APP: variants seen among roughly 807,000 people sequenced by gnomAD.
The protein encoded by APP is amyloid beta precursor protein, also known as amyloid-beta precursor protein.
Under a neutral mutation model 101.4 loss-of-function variants are expected in APP, and 31 were observed. That is an observed-to-expected ratio of 0.31 (90% CI 0.23 to 0.41). APP has a LOEUF of 0.41. APP is among the 10% of genes least tolerant of loss of function. The pLI is 1.00. For synonymous variants in APP, 366 were observed against 364.4 expected (o/e 1.00, Z -0.05); for missense variants, 839 against 1,003.7 (o/e 0.84, Z 2.22).
intron 5 of APP, among the ~76,000 whole-genome samples, chr21:26,041,899 T>G (rs73896813): frequency 0.012 from 1,760 of 151,890 alleles, 36 homozygotes; most frequent in African/African-American, 0.04. Flanking sequence ...TGCAAGTTTC[T>G]GCTATTCTCC....
At chr21:26,058,822 C>T (rs1427680881) in intron 3 of APP, among the ~76,000 whole-genome samples, 2 of 152,284 alleles carry the variant, frequency 1.3e-5, no homozygotes, top group East Asian at 3.9e-4. Flanking sequence ...TGGCTCACGC[C>T]TGTAATCCCA....
At chr21:25,998,957 G>A (rs1021118979) in intron 7 of APP, among the ~76,000 whole-genome samples, 4 of 152,090 alleles carry the variant, frequency 2.6e-5, no homozygotes, top group African/African-American at 9.7e-5. Flanking sequence ...TTTATCCCCC[G>A]GAATTATGAA....
chr21:26,090,370 T>C (rs2061797364), intron 2 of APP, among the ~76,000 whole-genome samples: 1 of 152,230 alleles, frequency 6.6e-6, no homozygotes, highest in African/African-American at 2.4e-5. Flanking sequence ...TTTCGGACTC[T>C]GGATTTTTAA....
At chr21:26,032,425 T>C (rs1163284316) in intron 5 of APP, among the ~76,000 whole-genome samples, 4 of 152,244 alleles carry the variant, frequency 2.6e-5, no homozygotes, top group African/African-American at 7.2e-5. Context: ...GAAGGTCTAG[T>C]GTGGTGATTA....
intron 3 of APP, among the ~76,000 whole-genome samples, chr21:26,089,274 T>C (rs2061768043): frequency 6.6e-6 from 1 of 152,196 alleles, no homozygotes; most frequent in Admixed American, 6.5e-5. Flanking sequence ...CAAGTTAGAT[T>C]AAATATGGAG....
chr21:26,103,206 T>C (rs1199069792), intron 2 of APP, among the ~76,000 whole-genome samples: 2 of 152,232 alleles, frequency 1.3e-5, no homozygotes, highest in African/African-American at 4.8e-5. Flanking sequence ...GACTTTACTA[T>C]TGAATTATCA....
chr21:26,055,700 A>G (rs1343279162), intron 3 of APP, among the ~76,000 whole-genome samples: 1 of 152,198 alleles, frequency 6.6e-6, no homozygotes, highest in Non-Finnish European at 1.5e-5. Flanking sequence ...CAAATGTCCA[A>G]ACTAAGAAGT....
At chr21:25,898,085 C>T (rs1327570870) in intron 15 of APP, 3 of 187,852 alleles carry the variant, frequency 1.6e-5, no homozygotes, top group Admixed American at 1.1e-4. Context: ...TAATAAAAGG[C>T]TTTAAAAATG....
At chr21:25,997,486 G>A (rs1373883394) in intron 7 of APP, 70 bp from the exon 8 acceptor site, 51 of 1,376,072 alleles carry the variant, frequency 3.7e-5, no homozygotes, top group Middle Eastern at 3.8e-4. Flanking sequence ...TGAAATGCAC[G>A]AGTCCACTGA....
At chr21:25,927,165 T>A (rs2039936941) in intron 13 of APP, among the ~76,000 whole-genome samples, 2 of 152,306 alleles carry the variant, frequency 1.3e-5, no homozygotes, top group South Asian at 4.1e-4. Flanking sequence ...TAGTCCAAGG[T>A]CACGGAGATT....
chr21:25,973,433 A>G lies in APP; in HGVS notation c.1458+1637T>C, dbSNP rs555351983. Among the ~76,000 whole-genome samples the G allele has an allele frequency of 2.6e-5, 4 of 152,358 alleles. No individual in the cohort carries two copies. The East Asian group carries it at 5.8e-4, about 22-fold the overall frequency. On this transcript the variant is annotated intron_variant, in intron 11 of 17. Coordinates refer to ENST00000346798, the MANE Select transcript of APP (RefSeq NM_000484.4). ...AAAAGAAAGCTGGAATAGCTTTATT[A>G]ATATTAAAGTAGATTTTGGAGCAAA...
intron 7 of APP, 64 bp downstream of exon 7, chr21:25,999,951 C>T: frequency 6.4e-7 from 1 of 1,565,112 alleles, no homozygotes; most frequent in African/African-American, 1.4e-5. Flanking sequence ...CAATCTGTTA[C>T]AAAAAGCAGA....
In APP at chr21:26,112,289, G is replaced by C. The variant is rs1006191141; in HGVS notation, c.58-143C>G. The stretch of plus-strand genomic sequence containing the variant: ...CAGCCCGGTCTTCAACACTCCTTTA[G>C]ATTAAGTGTTATGTATGCTACAGAT... On this transcript the variant is annotated intron_variant, in intron 1 of 17. Transcript: ENST00000346798. The C allele has an allele frequency of 2.5e-5, 21 of 824,786 alleles. No homozygotes were observed. In the South Asian group the frequency reaches 3.0e-4, roughly 12 times the overall value. The allele number at this position is 824,786 out of a possible 1,614,324, so 51.1% of individuals were successfully genotyped here. A position where few individuals can be genotyped will look rare whatever the true frequency, so the allele number is the denominator to read the frequency against.
At chr21:26,024,801 C>G (rs1248936293) in intron 5 of APP, among the ~76,000 whole-genome samples, 1 of 152,072 alleles carries the variant, frequency 6.6e-6, no homozygotes, top group Non-Finnish European at 1.5e-5. Context: ...TGTGTATGAC[C>G]CCCAAGTGGA....
intron 13 of APP, among the ~76,000 whole-genome samples, chr21:25,951,179 C>A (rs1198589178): frequency 6.6e-6 from 1 of 152,224 alleles, no homozygotes. Flanking sequence ...GAACCCTATG[C>A]TCTGGTCACA....
intron 1 of APP, chr21:26,169,210 T>A (rs987044625): frequency 6.6e-6 from 1 of 152,266 alleles, no homozygotes; most frequent in Non-Finnish European, 1.5e-5. Context: ...GGAAGACTTG[T>A]TATACACCTA....
At chr21:26,073,344 C>T (rs1052462572) in intron 3 of APP, among the ~76,000 whole-genome samples, 1 of 152,104 alleles carries the variant, frequency 6.6e-6, no homozygotes, top group African/African-American at 2.4e-5. Context: ...AGCAGAATGA[C>T]ATCAGTGTGG....
At chr21:25,959,408 G>A (rs1432336951) in intron 11 of APP, among the ~76,000 whole-genome samples, 2 of 152,226 alleles carry the variant, frequency 1.3e-5, no homozygotes, top group East Asian at 1.9e-4. Context: ...ACTACAGCCT[G>A]GGCGACAGGA....
chr21:26,102,216 G>A (rs1452968698), intron 2 of APP, among the ~76,000 whole-genome samples: 1 of 149,072 alleles, frequency 6.7e-6, no homozygotes, highest in East Asian at 2.0e-4. Flanking sequence ...AGCCTCCCAA[G>A]TAGCTGGGAC....
Sources: allele counts gnomAD v4.1 joint callset (sites outside exome capture counted in the v4.1 genomes callset), GRCh38; gene constraint gnomAD v4.1.1; transcripts MANE v1.5; gene names NCBI Gene and HGNC (gene_info 2026-07-23, HGNC 2026-07-21).